PTPRA: variants seen among roughly 807,000 people sequenced by gnomAD.
PTPRA encodes the protein receptor-type tyrosine-protein phosphatase alpha.
Under a neutral mutation model 104.8 loss-of-function variants are expected in PTPRA, and 25 were observed. The ratio of observed to expected loss-of-function variants is 0.24; its 90% CI spans 0.17 to 0.33. PTPRA has a LOEUF of 0.33. PTPRA is among the 10% of genes least tolerant of loss of function. The pLI is 1.00. For missense variants in PTPRA, 765 were observed against 1,015.3 expected (o/e 0.75, Z 3.35); for synonymous variants, 323 against 368.9 (o/e 0.88, Z 1.43).
Position 2,988,475 on chromosome 20 carries a change from G to A in PTPRA, c.738+1G>A. ...TAAGCTCTTCAGGGAGGAATTCAAC[G>A]TGAGTACTTTGTTGAGGCTGGTGTA... On this transcript the variant is annotated splice_donor_variant, in intron 9 of 23. Coordinates refer to ENST00000399903, the MANE Select transcript of PTPRA (RefSeq NM_001385305.1). LOFTEE classifies it high-confidence loss of function. 6.2e-7 allele frequency: 1 copy of A among 1,612,640 alleles called. No individual in the cohort carries two copies. The highest frequency in any genetic ancestry group is 1.1e-5 in the South Asian group (1 of 90,776).
At chr20:2,921,097 A>G (rs1425851675) in intron 1 of PTPRA, among the ~76,000 whole-genome samples, 1 of 152,200 alleles carries the variant, frequency 6.6e-6, no homozygotes, top group Non-Finnish European at 1.5e-5. Context: ...AGCAAGGCCA[A>G]CAACTCTGCT....
chr20:2,971,850 T>A (rs898279830), intron 5 of PTPRA, among the ~76,000 whole-genome samples: 5 of 152,154 alleles, frequency 3.3e-5, no homozygotes, highest in African/African-American at 7.2e-5. Context: ...TTTGTTTGTT[T>A]GTTTATTTTG....
At chr20:2,988,621 T>C in intron 9 of PTPRA, 147 bp downstream of exon 9, 2 of 1,194,978 alleles carry the variant, frequency 1.7e-6, no homozygotes, top group Non-Finnish European at 2.3e-6. Context: ...TCTGACTCCC[T>C]GTATGATCAT....
intron 1 of PTPRA, among the ~76,000 whole-genome samples, chr20:2,921,720 T>C (rs535861634): frequency 6.6e-6 from 1 of 152,184 alleles, no homozygotes; most frequent in African/African-American, 2.4e-5. Flanking sequence ...AGAGGAGTAA[T>C]GCCTGTGAAG....
At chr20:2,995,654 A>T (rs994578553) in intron 9 of PTPRA, among the ~76,000 whole-genome samples, 2 of 152,180 alleles carry the variant, frequency 1.3e-5, no homozygotes, top group African/African-American at 4.8e-5. Context: ...CAACCCAGGA[A>T]AGATGTGAAT....
intron 1 of PTPRA, among the ~76,000 whole-genome samples, chr20:2,909,882 TTAA>T (rs1319246182): frequency 2.3e-5 from 3 of 130,324 alleles, no homozygotes; most frequent in African/African-American, 5.9e-5. Flanking sequence ...TTAAAATATA[TTAA>T]TTATAATATA....
chr20:2,897,183 A>G (rs2059032890), intron 1 of PTPRA, among the ~76,000 whole-genome samples: 1 of 152,218 alleles, frequency 6.6e-6, no homozygotes, highest in Admixed American at 6.5e-5. Context: ...GAGGTATTTC[A>G]TACTTACTGG....
chr20:3,037,115 G>T lies in PTPRA; in HGVS notation c.2199-39G>T. 6.2e-7 allele frequency: 1 copy of T among 1,605,936 alleles called. No individual in the cohort carries two copies. Among genetic ancestry groups the T allele is most frequent in the Non-Finnish European group, 8.5e-7 (1 of 1,175,658 alleles). On this transcript the variant is annotated intron_variant, in intron 22 of 23. Coordinates refer to ENST00000399903, the MANE Select transcript of PTPRA (RefSeq NM_001385305.1). This position sits in a 1 kb window ranked among gnomAD's most constrained non-coding sequence, Gnocchi z 4.3. ...TGTCACTCACCCCCTTGCACAGAGGGCCATCACAGGTGTGGTAAATGTGTC... is the reference window on the plus strand; with the variant it reads ...TGTCACTCACCCCCTTGCACAGAGGTCCATCACAGGTGTGGTAAATGTGTC...
intron 20 of PTPRA, among the ~76,000 whole-genome samples, chr20:3,030,025 C>G (rs967750332): frequency 3.3e-5 from 5 of 152,152 alleles, no homozygotes; most frequent in African/African-American, 9.7e-5. Context: ...AGGGCCCTAC[C>G]TGTGGTTCCT....
At chr20:2,998,726 A>C (rs190251711) in intron 9 of PTPRA, among the ~76,000 whole-genome samples, 12 of 152,280 alleles carry the variant, frequency 7.9e-5, no homozygotes, top group Admixed American at 5.9e-4. Context: ...GGAGATTCAG[A>C]CTTAAAAGTG....
At chr20:2,915,543 A>C (rs1021380127) in intron 1 of PTPRA, among the ~76,000 whole-genome samples, 1 of 152,112 alleles carries the variant, frequency 6.6e-6, no homozygotes, top group Non-Finnish European at 1.5e-5. Flanking sequence ...TCTGATTAAC[A>C]CATAGTTTCT....
At chr20:2,888,678 A>C (rs1040114172) in intron 1 of PTPRA, among the ~76,000 whole-genome samples, 1 of 152,168 alleles carries the variant, frequency 6.6e-6, no homozygotes, top group African/African-American at 2.4e-5. Context: ...AAGTATATAT[A>C]GTATATATAG....
chr20:2,880,468 T>C (rs935477827), intron 1 of PTPRA, among the ~76,000 whole-genome samples: 1 of 152,182 alleles, frequency 6.6e-6, no homozygotes, highest in Non-Finnish European at 1.5e-5. Context: ...TAACAGTTTA[T>C]ATTAACCAGT....
At chr20:2,988,782 G>A (rs781136475) in intron 9 of PTPRA, among the ~76,000 whole-genome samples, 6 of 152,194 alleles carry the variant, frequency 3.9e-5, no homozygotes, top group Non-Finnish European at 8.8e-5. Flanking sequence ...ATATGATGAG[G>A]AGCAGAAACA....
chr20:3,027,644 C>G, intron 19 of PTPRA, 63 bp from the exon 20 acceptor site: 1 of 1,572,948 alleles, frequency 6.4e-7, no homozygotes, highest in Non-Finnish European at 8.7e-7. Flanking sequence ...AGTGGTCTGT[C>G]TTCTCCACTA....
chr20:2,939,497 C>T (rs757980251), intron 2 of PTPRA, among the ~76,000 whole-genome samples: 45 of 152,260 alleles, frequency 3.0e-4, no homozygotes, highest in Non-Finnish European at 5.1e-4. Context: ...GGAGGGGTAC[C>T]TCCTCCCCTT....
intron 3 of PTPRA, among the ~76,000 whole-genome samples, chr20:2,957,112 T>C (rs1269214866): frequency 6.6e-6 from 1 of 152,108 alleles, no homozygotes; most frequent in Non-Finnish European, 1.5e-5. Flanking sequence ...AGTGAAACCC[T>C]GTCTCTACTA....
chr20:3,022,531 C>G lies in PTPRA; in HGVS notation c.1329-158C>G, dbSNP rs1445220420. ...TCTAGCTGGAGGTCAGGATTCAGGA[C>G]ATACTGGAGTTGTTGGCTCCTGGAG... On this transcript the variant is annotated intron_variant, in intron 15 of 23. Transcript: ENST00000399903. The surrounding 1 kb of genome is among the most constrained non-coding windows in gnomAD (Gnocchi z 4.6). Among the ~76,000 whole-genome samples the G allele has an allele frequency of 6.6e-6, 1 of 152,210 alleles. No homozygotes were observed. Among genetic ancestry groups the G allele is most frequent in the East Asian group, 1.9e-4 (1 of 5,190 alleles).
At chr20:2,987,053 C>G (rs898403853) in intron 7 of PTPRA, among the ~76,000 whole-genome samples, 20 of 152,144 alleles carry the variant, frequency 1.3e-4, no homozygotes. Flanking sequence ...TAAGCCCTCC[C>G]TCTTTCTTCC....
Sources: allele counts gnomAD v4.1 joint callset (sites outside exome capture counted in the v4.1 genomes callset), GRCh38; gene constraint gnomAD v4.1.1; non-coding constraint Gnocchi (gnomAD v3.1); transcripts MANE v1.5; gene names NCBI Gene and HGNC (gene_info 2026-07-23, HGNC 2026-07-21).